The following ERC1 variants were observed in gnomAD, a reference collection of about 807,000 sequenced individuals.
ERC1 encodes ELKS/RAB6-interacting/CAST family member 1.
Under a neutral mutation model 132.0 loss-of-function variants are expected in ERC1, and 56 were observed. That is an observed-to-expected ratio of 0.42 (90% CI 0.34 to 0.53). ERC1 has a LOEUF of 0.53. ERC1 is among the 20% of genes least tolerant of loss of function. The pLI, the probability that ERC1 is intolerant of heterozygous loss-of-function variation, is 0.03. For synonymous variants in ERC1, 478 were observed against 476.1 expected, an observed-to-expected ratio of 1.00 and a Z score of -0.05; for missense variants, 1,202 against 1,349.9, an observed-to-expected ratio of 0.89 and a Z score of 1.72.
At chr12:1,485,494 C>T (rs988611436) in intron 18 of ERC1, among the ~76,000 whole-genome samples, 1 of 152,070 alleles carries the variant, frequency 6.6e-6, no homozygotes, top group Non-Finnish European at 1.5e-5. Context: ...TGAGCCACTG[C>T]ATCTGGCCAT....
chr12:1,274,566 T>G (rs1350003764), intron 14 of ERC1, among the ~76,000 whole-genome samples: 1 of 151,896 alleles, frequency 6.6e-6, no homozygotes, highest in Non-Finnish European at 1.5e-5. Flanking sequence ...GGTCTTGGCT[T>G]GCTGCAACCT....
At chr12:1,256,115 T>A (rs1430377533) in intron 13 of ERC1, among the ~76,000 whole-genome samples, 1 of 152,150 alleles carries the variant, frequency 6.6e-6, no homozygotes, top group African/African-American at 2.4e-5. Flanking sequence ...TAAATTTGTT[T>A]AAGTTCTTTG....
At chr12:1,209,311 T>C (rs1046000024) in intron 12 of ERC1, among the ~76,000 whole-genome samples, 3 of 152,136 alleles carry the variant, frequency 2.0e-5, no homozygotes, top group African/African-American at 2.4e-5. Context: ...TATTGGTATG[T>C]ATTGTTCCCT....
intron 2 of ERC1, among the ~76,000 whole-genome samples, chr12:1,033,217 C>T (rs999396550): frequency 6.6e-6 from 1 of 151,472 alleles, no homozygotes; most frequent in African/African-American, 2.4e-5. Flanking sequence ...TTTGTATTTT[C>T]AGTAGAGATG....
At chr12:1,483,308 A>G (rs1230888787) in intron 18 of ERC1, among the ~76,000 whole-genome samples, 2 of 152,210 alleles carry the variant, frequency 1.3e-5, no homozygotes, top group Non-Finnish European at 2.9e-5. Flanking sequence ...AAAAATAAAA[A>G]AAGAATAGAA....
chr12:1,310,009 G>A (rs111821242), intron 15 of ERC1, among the ~76,000 whole-genome samples: 6,149 of 151,572 alleles, frequency 0.041, 143 homozygotes, highest in Middle Eastern at 0.069. Context: ...ATGCAATGGT[G>A]CGATCTTGGC....
chr12:1,461,973 AG>A (rs1453420756), intron 18 of ERC1, among the ~76,000 whole-genome samples: 2 of 152,232 alleles, frequency 1.3e-5, no homozygotes, highest in Non-Finnish European at 2.9e-5. Flanking sequence ...ACTTGTATTG[AG>A]AAGATATTTT....
At chr12:1,132,426 T>G (rs2154241112) in intron 7 of ERC1, among the ~76,000 whole-genome samples, 1 of 152,344 alleles carries the variant, frequency 6.6e-6, no homozygotes, top group East Asian at 1.9e-4. Flanking sequence ...TTCTTATTCT[T>G]TCCCTTTTCA....
At chr12:1,162,637 A>G (rs1250843357) in intron 8 of ERC1, among the ~76,000 whole-genome samples, 2 of 152,066 alleles carry the variant, frequency 1.3e-5, no homozygotes, top group Admixed American at 6.5e-5. Flanking sequence ...TTTCCATATC[A>G]TAAAATCGGA....
chr12:1,337,165 T>C (rs2083384172), intron 15 of ERC1, among the ~76,000 whole-genome samples: 1 of 152,264 alleles, frequency 6.6e-6, no homozygotes, highest in African/African-American at 2.4e-5. Context: ...CTCCCACTGT[T>C]ATTGTGTGGG....
At position 1,363,762 on chromosome 12, in the gene ERC1, C is replaced by T. The variant is rs115969660; in HGVS notation, c.2781-8071C>T. 4.6e-3 allele frequency among the ~76,000 whole-genome samples: 701 copies of T among 152,120 alleles called. 6 individuals carry two copies. Among genetic ancestry groups the T allele is most frequent in the African/African-American group, 0.016 (662 of 41,516 alleles). ...GCAGAGATGAGGTTCCACCATGTTGCGCAGGCTGGGCTCGAACTCCTGGGC... is the reference window on the plus strand; with the variant it reads ...GCAGAGATGAGGTTCCACCATGTTGTGCAGGCTGGGCTCGAACTCCTGGGC... On this transcript the variant is annotated intron_variant, in intron 15 of 18. Coordinates refer to ENST00000360905, the MANE Select transcript of ERC1 (RefSeq NM_178040.4).
chr12:1,288,328 T>C (rs1392815715), intron 14 of ERC1, among the ~76,000 whole-genome samples: 1 of 152,242 alleles, frequency 6.6e-6, no homozygotes, highest in African/African-American at 2.4e-5. Flanking sequence ...TTGGCCAGGC[T>C]AGTCTCGAAC....
intron 12 of ERC1, among the ~76,000 whole-genome samples, chr12:1,194,706 G>A (rs943749189): frequency 2.0e-5 from 3 of 152,146 alleles, no homozygotes; most frequent in Non-Finnish European, 2.9e-5. Context: ...TTTTACTCTA[G>A]TATGAGATTG....
At chr12:1,054,580 T>C (rs1972596938) in intron 2 of ERC1, among the ~76,000 whole-genome samples, 2 of 152,104 alleles carry the variant, frequency 1.3e-5, no homozygotes, top group South Asian at 4.1e-4. Context: ...TCTCCTGGCA[T>C]GTCACTGTGC....
At chr12:1,463,858 C>A (rs1161222777) in intron 18 of ERC1, among the ~76,000 whole-genome samples, 1 of 151,634 alleles carries the variant, frequency 6.6e-6, no homozygotes, top group Non-Finnish European at 1.5e-5. Context: ...GGGTATCTTG[C>A]CAATTGGATG....
At chr12:1,423,353 G>T (rs1480482115) in intron 17 of ERC1, among the ~76,000 whole-genome samples, 1 of 152,166 alleles carries the variant, frequency 6.6e-6, no homozygotes, top group East Asian at 1.9e-4. Context: ...ACGAATTGTT[G>T]TCTGCTCAAA....
At chr12:1,452,409 T>C (rs2093444774) in intron 18 of ERC1, among the ~76,000 whole-genome samples, 1 of 152,176 alleles carries the variant, frequency 6.6e-6, no homozygotes, top group Admixed American at 6.5e-5. Context: ...ATGTACCTAG[T>C]TGTGTTTTTC....
intron 13 of ERC1, among the ~76,000 whole-genome samples, chr12:1,241,193 T>G (rs766157057): frequency 4.6e-5 from 7 of 152,202 alleles, no homozygotes; most frequent in Non-Finnish European, 1.0e-4. Flanking sequence ...GCCACTTTGG[T>G]TCTATTTAAT....
At chr12:1,126,228 G>A (rs1353755498) in intron 7 of ERC1, among the ~76,000 whole-genome samples, 1 of 152,192 alleles carries the variant, frequency 6.6e-6, no homozygotes, top group Non-Finnish European at 1.5e-5. Flanking sequence ...GGAGAACCCT[G>A]CCCTGTGAGA....
Sources: allele counts gnomAD v4.1 joint callset (sites outside exome capture counted in the v4.1 genomes callset), GRCh38; gene constraint gnomAD v4.1.1; transcripts MANE v1.5; gene names NCBI Gene and HGNC (gene_info 2026-07-23, HGNC 2026-07-21).